Variants in DPYD observed in about 807,000 individuals in gnomAD.
DPYD encodes the protein dihydropyrimidine dehydrogenase.
In DPYD, 109 loss-of-function variants were observed where a neutral mutation model predicts 116.2. The ratio of observed to expected loss-of-function variants is 0.94; its 90% CI spans 0.80 to 1.10. The LOEUF is 1.10. Among genes scored for constraint, DPYD ranks in the 50% least tolerant of loss-of-function variants. The probability of loss-of-function intolerance (pLI) is 0.00; values close to 1 mark genes in which losing one functional copy is unlikely to be tolerated. For synonymous variants in DPYD, 440 were observed against 432.0 expected, an observed-to-expected ratio of 1.02 and a Z score of -0.23; for missense variants, 1,302 against 1,254.5, an observed-to-expected ratio of 1.04 and a Z score of -0.57.
intron 5 of DPYD, among the ~76,000 whole-genome samples, chr1:97,706,886 T>C (rs924880929): frequency 6.6e-6 from 1 of 152,076 alleles, no homozygotes; most frequent in East Asian, 1.9e-4. Flanking sequence ...GATCATATGA[T>C]AAGAGTATGT....
chr1:97,416,690 A>G (rs1306074057), intron 14 of DPYD, among the ~76,000 whole-genome samples: 1 of 152,176 alleles, frequency 6.6e-6, no homozygotes, highest in Non-Finnish European at 1.5e-5. Context: ...ATCATTAGGG[A>G]TCCATGACCT....
Position 97,635,012 on chromosome 1 carries a change from C to T in DPYD, c.851-39846G>A, listed in dbSNP as rs149968419. On this transcript the variant is annotated intron_variant, in intron 8 of 22. Coordinates refer to ENST00000370192, the MANE Select transcript of DPYD (RefSeq NM_000110.4). Reference sequence around the variant, plus strand: ...CAGGGAGAAAAAAAATGTGTTCAGTCCATGTTCTGTTTACTTAAATGGAGT... The same window carrying T: ...CAGGGAGAAAAAAAATGTGTTCAGTTCATGTTCTGTTTACTTAAATGGAGT... 1.4e-3 allele frequency among the ~76,000 whole-genome samples: 211 copies of T among 151,834 alleles called. 1 individual carries two copies. The highest frequency in any genetic ancestry group is 5.0e-3 in the African/African-American group (205 of 41,402).
At chr1:97,287,549 A>G (rs1313991113) in intron 18 of DPYD, among the ~76,000 whole-genome samples, 3 of 152,160 alleles carry the variant, frequency 2.0e-5, no homozygotes, top group Admixed American at 6.5e-5. Flanking sequence ...CTACAGAGGC[A>G]GGCAGGCATC....
intron 20 of DPYD, among the ~76,000 whole-genome samples, chr1:97,103,017 A>C (rs1221874685): frequency 6.6e-6 from 1 of 152,062 alleles, no homozygotes; most frequent in Non-Finnish European, 1.5e-5. Flanking sequence ...ATATGGGAGC[A>C]GTGTGGTATA....
At chr1:97,920,742 C>A (rs1394547446) in intron 1 of DPYD, 142 bp downstream of exon 1, 4 of 1,237,896 alleles carry the variant, frequency 3.2e-6, no homozygotes, top group Non-Finnish European at 2.3e-6. Context: ...TCCTCCGCTC[C>A]CCCGCAGAGC....
intron 14 of DPYD, among the ~76,000 whole-genome samples, chr1:97,419,356 C>T (rs1314058687): frequency 6.6e-6 from 1 of 152,128 alleles, no homozygotes; most frequent in Non-Finnish European, 1.5e-5. Context: ...ATCACCTCTT[C>T]CACTTCCATT....
chr1:97,084,550 G>C (rs1649380737), intron 21 of DPYD, among the ~76,000 whole-genome samples: 1 of 151,676 alleles, frequency 6.6e-6, no homozygotes, highest in Non-Finnish European at 1.5e-5. Flanking sequence ...AATGACAACA[G>C]ATACCTTTTG....
chr1:97,841,142 A>G (rs1670015821), intron 2 of DPYD, among the ~76,000 whole-genome samples: 1 of 152,156 alleles, frequency 6.6e-6, no homozygotes, highest in East Asian at 1.9e-4. Flanking sequence ...TTTATGGTAC[A>G]TGACCAAAAT....
chr1:97,363,587 T>C (rs1402975585), intron 16 of DPYD, among the ~76,000 whole-genome samples: 2 of 152,032 alleles, frequency 1.3e-5, no homozygotes, highest in African/African-American at 4.8e-5. Flanking sequence ...ATTAAGAAAA[T>C]GTGGCACATA....
chr1:97,468,387 G>A (rs1184035560), intron 13 of DPYD, among the ~76,000 whole-genome samples: 2 of 151,960 alleles, frequency 1.3e-5, no homozygotes, highest in African/African-American at 4.8e-5. Flanking sequence ...ATGAGGGTGG[G>A]GTCCTCATGG....
chr1:97,452,094 C>T (rs1335100937), intron 13 of DPYD, among the ~76,000 whole-genome samples: 3 of 152,094 alleles, frequency 2.0e-5, no homozygotes, highest in African/African-American at 7.2e-5. Flanking sequence ...TTCAACAAAA[C>T]TGATTCACGT....
At chr1:97,125,429 G>C (rs777484675) in intron 20 of DPYD, among the ~76,000 whole-genome samples, 10 of 152,038 alleles carry the variant, frequency 6.6e-5, no homozygotes, top group Non-Finnish European at 1.3e-4. Flanking sequence ...AAGTAGATTT[G>C]AGTAAAAAGG....
At chr1:97,687,166 G>A (rs929716070) in intron 7 of DPYD, among the ~76,000 whole-genome samples, 3 of 152,082 alleles carry the variant, frequency 2.0e-5, no homozygotes, top group African/African-American at 7.2e-5. Flanking sequence ...AGCTACTTGG[G>A]ACACTCGGGC....
intron 20 of DPYD, among the ~76,000 whole-genome samples, chr1:97,183,183 C>G (rs539087415): frequency 1.3e-5 from 2 of 152,004 alleles, no homozygotes; most frequent in Non-Finnish European, 2.9e-5. Context: ...TATATGCCTT[C>G]TGTTCAATTT....
intron 13 of DPYD, among the ~76,000 whole-genome samples, chr1:97,509,971 GA>G (rs1187413700): frequency 6.6e-6 from 1 of 151,892 alleles, no homozygotes; most frequent in Non-Finnish European, 1.5e-5. Context: ...ATATCACCAT[GA>G]GTTAGGATTA....
intron 2 of DPYD, among the ~76,000 whole-genome samples, chr1:97,832,443 T>A (rs1669585410): frequency 6.6e-6 from 1 of 151,858 alleles, no homozygotes. Flanking sequence ...ACTAGCAGAG[T>A]CAAATGTAGC....
chr1:97,663,576 C>T lies in DPYD; in HGVS notation c.850+15519G>A, dbSNP rs17117047. Among the ~76,000 whole-genome samples the T allele has an allele frequency of 3.7e-3, 566 of 152,260 alleles. 9 individuals carry two copies. Among genetic ancestry groups the T allele is most frequent in the African/African-American group, 0.013 (551 of 41,538 alleles). On this transcript the variant is annotated intron_variant, in intron 8 of 22. Coordinates refer to ENST00000370192, the MANE Select transcript of DPYD (RefSeq NM_000110.4). Reference sequence around the variant, plus strand: ...TAAAAATCACCCAGTGCTGGTCTTGCTCTTCTCCAAACCATTTTCACAGTG... The same window carrying T: ...TAAAAATCACCCAGTGCTGGTCTTGTTCTTCTCCAAACCATTTTCACAGTG...
At chr1:97,328,530 A>C (rs1263218194) in intron 16 of DPYD, among the ~76,000 whole-genome samples, 1 of 152,138 alleles carries the variant, frequency 6.6e-6, no homozygotes, top group Non-Finnish European at 1.5e-5. Context: ...GAATTTACTC[A>C]TTTACTTTTC....
intron 14 of DPYD, among the ~76,000 whole-genome samples, chr1:97,385,525 TAAAAAAAAA>T (rs34091738): frequency 7.1e-6 from 1 of 140,694 alleles, no homozygotes; most frequent in Non-Finnish European, 1.5e-5. Flanking sequence ...ATTTTTTTCT[TAAAAAAAAA>T]AAAACAAAAT....
Sources: gnomAD v4.1 joint callset for allele counts (sites outside exome capture counted in the v4.1 genomes callset) on GRCh38, gnomAD v4.1.1 for gene constraint, MANE v1.5 for transcripts, NCBI Gene and HGNC (gene_info 2026-07-23, HGNC 2026-07-21) for gene names.